ZMAT4: variants seen among roughly 807,000 people sequenced by gnomAD.
ZMAT4 encodes the protein zinc finger matrin-type 4, also known as zinc finger matrin-type protein 4.
Under a neutral mutation model 28.7 loss-of-function variants are expected in ZMAT4, and 17 were observed. The ratio of observed to expected loss-of-function variants is 0.59; its 90% CI spans 0.41 to 0.89. The LOEUF (loss-of-function observed/expected upper bound fraction) is 0.89, where lower values mean the gene tolerates loss of function less well. Among genes scored for constraint, ZMAT4 ranks in the 40% least tolerant of loss-of-function variants. The pLI is 0.00. For missense variants in ZMAT4, 240 were observed against 283.8 expected, an observed-to-expected ratio of 0.85 and a Z score of 1.11; for synonymous variants, 117 against 109.2, an observed-to-expected ratio of 1.07 and a Z score of -0.44.
chr8:40,875,498 A>AC (rs1439264074), intron 1 of ZMAT4, among the ~76,000 whole-genome samples: 5 of 152,044 alleles, frequency 3.3e-5, no homozygotes, highest in Non-Finnish European at 7.4e-5. Context: ...GCTTGCAGCC[A>AC]CCCCCCTACC....
At chr8:40,668,764 T>C (rs1048588200) in intron 5 of ZMAT4, among the ~76,000 whole-genome samples, 4 of 152,142 alleles carry the variant, frequency 2.6e-5, no homozygotes, top group African/African-American at 9.7e-5. Context: ...CTGCCAGTCT[T>C]TTGGCTGTAC....
intron 2 of ZMAT4, among the ~76,000 whole-genome samples, chr8:40,794,466 C>A (rs1351543647): frequency 1.3e-5 from 2 of 152,192 alleles, no homozygotes; most frequent in Admixed American, 1.3e-4. Context: ...TGACTCCAGG[C>A]ACTCTCTACA....
intron 2 of ZMAT4, among the ~76,000 whole-genome samples, chr8:40,772,774 C>T (rs1003384769): frequency 1.3e-5 from 2 of 152,260 alleles, no homozygotes; most frequent in South Asian, 2.1e-4. Flanking sequence ...TAAAATAAGC[C>T]GAGGACCTCA....
intron 2 of ZMAT4, among the ~76,000 whole-genome samples, chr8:40,818,497 A>G (rs545710381): frequency 2.0e-5 from 3 of 152,372 alleles, no homozygotes; most frequent in Non-Finnish European, 2.9e-5. Context: ...ATGTACCAAT[A>G]ACTGTACTAA....
At chr8:40,643,198 T>C (rs1341761498) in intron 5 of ZMAT4, among the ~76,000 whole-genome samples, 2 of 151,904 alleles carry the variant, frequency 1.3e-5, no homozygotes, top group Non-Finnish European at 2.9e-5. Context: ...TCCCAAGCAG[T>C]CGAGAAGCTT....
At chr8:40,703,223 T>A (rs1810219178) in intron 3 of ZMAT4, among the ~76,000 whole-genome samples, 3 of 151,978 alleles carry the variant, frequency 2.0e-5, no homozygotes, top group African/African-American at 7.2e-5. Context: ...GAACTGAATG[T>A]ATTTCATTCA....
At chr8:40,610,418 G>A (rs1805754126) in intron 5 of ZMAT4, among the ~76,000 whole-genome samples, 2 of 152,162 alleles carry the variant, frequency 1.3e-5, no homozygotes, top group Non-Finnish European at 2.9e-5. Context: ...GAGCTATGCA[G>A]GGTTGGCAAT....
chr8:40,592,825 G>A (rs1461846457), intron 5 of ZMAT4, among the ~76,000 whole-genome samples: 1 of 152,172 alleles, frequency 6.6e-6, no homozygotes, highest in African/African-American at 2.4e-5. Context: ...TAACATTTGA[G>A]CAAATCATCT....
chr8:40,830,521 T>C (rs551418702), intron 1 of ZMAT4, among the ~76,000 whole-genome samples: 1 of 152,336 alleles, frequency 6.6e-6, no homozygotes, highest in African/African-American at 2.4e-5. Flanking sequence ...TCATTCTTTT[T>C]GTGGTTGTGT....
intron 3 of ZMAT4, among the ~76,000 whole-genome samples, chr8:40,704,619 G>A (rs763904263): frequency 2.0e-5 from 3 of 152,178 alleles, no homozygotes; most frequent in Admixed American, 6.6e-5. Context: ...AAGAACTTTA[G>A]AAGTTATCCT....
chr8:40,601,514 A>AGC (rs1805332700), intron 5 of ZMAT4, among the ~76,000 whole-genome samples: 1 of 146,372 alleles, frequency 6.8e-6, no homozygotes, highest in Non-Finnish European at 1.5e-5. Flanking sequence ...AGAAAGAGAA[A>AGC]GAGAAAGAAA....
chr8:40,885,559 C>G (rs1248590838), intron 1 of ZMAT4, among the ~76,000 whole-genome samples: 1 of 152,226 alleles, frequency 6.6e-6, no homozygotes, highest in Non-Finnish European at 1.5e-5. Flanking sequence ...GAGTCTTGCT[C>G]TGTCACCCAG....
At chr8:40,894,149 G>A (rs984527150) in intron 1 of ZMAT4, among the ~76,000 whole-genome samples, 7 of 152,218 alleles carry the variant, frequency 4.6e-5, no homozygotes, top group Admixed American at 2.6e-4. Flanking sequence ...CAGGACAGTG[G>A]CACAGTGAGG....
chr8:40,554,956 C>G (rs1803483872), intron 6 of ZMAT4, among the ~76,000 whole-genome samples: 1 of 152,076 alleles, frequency 6.6e-6, no homozygotes, highest in South Asian at 2.1e-4. Flanking sequence ...CTTAATTCCA[C>G]CTCCTCACCT....
At position 40,767,744 on chromosome 8, in the gene ZMAT4, G is replaced by A. The variant is rs1292297806; in HGVS notation, c.103-14C>T. On this transcript the variant is annotated splice_polypyrimidine_tract_variant and intron_variant, in intron 2 of 6. Transcript: ENST00000297737. ...ATGTTTTCGACTCTGGGAAGGAAAAGCATAAGCAGATACTGTAAAAGATAA... is the reference window on the plus strand; with the variant it reads ...ATGTTTTCGACTCTGGGAAGGAAAAACATAAGCAGATACTGTAAAAGATAA... 2 of 1,606,692 alleles carry A rather than the reference G, an allele frequency of 1.2e-6. No homozygotes were observed. The highest frequency in any genetic ancestry group is 2.2e-5 in the East Asian group (1 of 44,766).
At chr8:40,644,685 C>A (rs1250297270) in intron 5 of ZMAT4, among the ~76,000 whole-genome samples, 1 of 152,072 alleles carries the variant, frequency 6.6e-6, no homozygotes, top group Non-Finnish European at 1.5e-5. Context: ...CTCCTTAAGG[C>A]TGGGGTGTGC....
chr8:40,572,744 C>T (rs372203505), intron 6 of ZMAT4, among the ~76,000 whole-genome samples: 3 of 152,122 alleles, frequency 2.0e-5, no homozygotes, highest in African/African-American at 7.2e-5. Flanking sequence ...AACCTTTAAT[C>T]TCATCAGATA....
intron 5 of ZMAT4, among the ~76,000 whole-genome samples, chr8:40,630,509 T>C (rs1073642): frequency 0.56 from 85,674 of 152,086 alleles, 25,303 homozygotes; most frequent in East Asian, 0.69. Context: ...AATTTAAGCA[T>C]GGACATCATC....
rs532835599 is a variant in ZMAT4, at chr8:40,761,616, T to C, written c.192+6025A>G. ...TAAATTGCTTTCTGTATGACTTTTC[T>C]CTCCAACTACCTGATGAACTCCATA... On this transcript the variant is annotated intron_variant, in intron 3 of 6. Coordinates refer to ENST00000297737, the MANE Select transcript of ZMAT4 (RefSeq NM_024645.3). Among the ~76,000 whole-genome samples, 75 of 152,342 alleles carry C rather than the reference T, an allele frequency of 4.9e-4. 1 individual carries two copies. The highest frequency in any genetic ancestry group is 4.6e-3 in the South Asian group (22 of 4,822).
Sources: allele counts gnomAD v4.1 joint callset (sites outside exome capture counted in the v4.1 genomes callset), GRCh38; gene constraint gnomAD v4.1.1; transcripts MANE v1.5; gene names NCBI Gene and HGNC (gene_info 2026-07-23, HGNC 2026-07-21).